Variants in ANKRD11 observed in about 807,000 individuals in gnomAD.
ANKRD11 encodes ankyrin repeat domain 11.
Under a neutral mutation model 195.7 loss-of-function variants are expected in ANKRD11, and 17 were observed. The observed-to-expected ratio is 0.09, with a 90% CI of 0.06 to 0.13. The LOEUF (loss-of-function observed/expected upper bound fraction) is 0.13. Ranked by LOEUF, ANKRD11 falls within the 10% of genes least tolerant of loss-of-function variation. The probability of loss-of-function intolerance (pLI) is 1.00; values close to 1 mark genes in which losing one functional copy is unlikely to be tolerated. For synonymous variants in ANKRD11, 1,953 were observed against 1,528.1 expected (o/e 1.28, Z -6.49); for missense variants, 3,735 against 3,566.1 (o/e 1.05, Z -1.21).
chr16:89,280,324 G>C lies in ANKRD11; in HGVS notation c.6218C>G (p.Pro2073Arg), dbSNP rs770387752. Residue 2073 changes from proline to arginine, a missense_variant, in exon 9 of 13, where the codon CCG (proline) becomes CGG (arginine). Pro to Arg is a moderately radical substitution (Grantham distance 103). Transcript: ENST00000301030. ...GGGGGCCACGTCCAGCGGGGCTTCC[G>C]GAAGTGACTTGCAGTTGCTGAAGAA... ...ESFFSNCKSL[P>R]EAPLDVAPEP... 3 of 1,585,654 alleles carry C rather than the reference G, an allele frequency of 1.9e-6. No individual in the cohort carries two copies. Among genetic ancestry groups the C allele is most frequent in the Non-Finnish European group, 2.6e-6 (3 of 1,165,624 alleles).
intron 2 of ANKRD11, among the ~76,000 whole-genome samples, chr16:89,337,770 T>C (rs1194500622): frequency 6.6e-6 from 1 of 152,138 alleles, no homozygotes; most frequent in Non-Finnish European, 1.5e-5. Flanking sequence ...ATGCAGACAA[T>C]GTGCAGGTCT....
intron 1 of ANKRD11, among the ~76,000 whole-genome samples, chr16:89,468,048 C>A (rs1170811831): frequency 6.6e-6 from 1 of 152,160 alleles, no homozygotes; most frequent in African/African-American, 2.4e-5. Context: ...AAGTGATCTG[C>A]CCACCTCGGC....
chr16:89,330,653 TGAC>T (rs1377873027), intron 2 of ANKRD11, among the ~76,000 whole-genome samples: 11 of 8,660 alleles, frequency 1.3e-3, no homozygotes, highest in Non-Finnish European at 2.0e-3. Flanking sequence ...CCCAGTACAG[TGAC>T]TGGGGGGGGG....
At chr16:89,287,441 A>G in intron 7 of ANKRD11, 1 of 228,950 alleles carries the variant, frequency 4.4e-6, no homozygotes, top group South Asian at 5.8e-5. Flanking sequence ...GGTCCTTGAC[A>G]TTTTTCGTAA....
chr16:89,427,920 G>A (rs2042788560), intron 1 of ANKRD11, among the ~76,000 whole-genome samples: 1 of 152,018 alleles, frequency 6.6e-6, no homozygotes, highest in African/African-American at 2.4e-5. Flanking sequence ...TAGTTTGAAA[G>A]GTTTAAAATT....
At chr16:89,286,678 ATTTT>A (rs2034672053) in intron 7 of ANKRD11, 2 of 1,242,534 alleles carry the variant, frequency 1.6e-6, no homozygotes, top group Admixed American at 2.8e-5. Flanking sequence ...AAGCTGCTTT[ATTTT>A]TTATTTTCAT....
At chr16:89,323,498 A>T (rs12921240) in intron 2 of ANKRD11, among the ~76,000 whole-genome samples, 744 of 18,166 alleles carry the variant, frequency 0.041, 16 homozygotes, top group African/African-American at 0.14. Context: ...GCAGGGGGGC[A>T]GAGCCCAGGG....
chr16:89,319,591 C>T (rs745636226), intron 2 of ANKRD11, among the ~76,000 whole-genome samples: 3 of 152,194 alleles, frequency 2.0e-5, no homozygotes, highest in South Asian at 2.1e-4. Context: ...CCGATGGCAG[C>T]GATGTGCTCG....
At chr16:89,330,472 G>A (rs969394264) in intron 2 of ANKRD11, among the ~76,000 whole-genome samples, 10 of 152,098 alleles carry the variant, frequency 6.6e-5, no homozygotes, top group African/African-American at 2.2e-4. Flanking sequence ...ACACGGCTGC[G>A]GATGTGTGGA....
chr16:89,377,950 C>T (rs2040492477), intron 2 of ANKRD11, among the ~76,000 whole-genome samples: 1 of 152,118 alleles, frequency 6.6e-6, no homozygotes. Flanking sequence ...GACCCACTTC[C>T]ACTTAATGAG....
At chr16:89,278,448 G>A (rs1466317848) in intron 9 of ANKRD11, 5 of 445,854 alleles carry the variant, frequency 1.1e-5, no homozygotes, top group Non-Finnish European at 2.2e-5. Flanking sequence ...AGCGCAAGGA[G>A]CTGGGGGAGT....
At chr16:89,273,357 T>A (rs1330594899) in intron 11 of ANKRD11, among the ~76,000 whole-genome samples, 1 of 152,196 alleles carries the variant, frequency 6.6e-6, no homozygotes, top group Non-Finnish European at 1.5e-5. Flanking sequence ...TGCAAACTTA[T>A]CAGCATCCAG....
chr16:89,375,589 G>A (rs2152091487), intron 2 of ANKRD11, among the ~76,000 whole-genome samples: 2 of 151,988 alleles, frequency 1.3e-5, no homozygotes, highest in Middle Eastern at 3.4e-3. Context: ...CCTCCCGAGT[G>A]ATTACAGGCG....
In ANKRD11 at chr16:89,305,232, T is replaced by C; in HGVS notation, c.200A>G (p.Asn67Ser). 1 of 1,613,604 alleles carries C rather than the reference T, an allele frequency of 6.2e-7. No individual in the cohort carries two copies. Among genetic ancestry groups the C allele is most frequent in the Non-Finnish European group, 8.5e-7 (1 of 1,179,884 alleles). ...KRKLPFTAGANGEQKDSDTEK... is the reference protein window; with the variant it reads ...KRKLPFTAGASGEQKDSDTEK... ...TGTGTCCGAGTCCTTCTGCTCCCCA[T>C]TGGCGCCCGCGGTGAAGGGCAGCTT... The change falls in exon 4 of 13, where the codon AAT becomes AGT. Residue 67 changes from asparagine to serine, a missense_variant. Transcript: ENST00000301030.
intron 1 of ANKRD11, among the ~76,000 whole-genome samples, chr16:89,480,392 G>A (rs1220561359): frequency 7.3e-5 from 11 of 150,918 alleles, no homozygotes; most frequent in Non-Finnish European, 1.5e-4. Context: ...CAGGAGAATC[G>A]CGTGAACCCA....
chr16:89,332,202 C>T (rs985735408), intron 2 of ANKRD11, among the ~76,000 whole-genome samples: 4 of 152,030 alleles, frequency 2.6e-5, no homozygotes, highest in South Asian at 2.1e-4. Flanking sequence ...GACTTCCTTA[C>T]GTATTAAAGA....
At chr16:89,427,452 G>A (rs1016366257) in intron 1 of ANKRD11, among the ~76,000 whole-genome samples, 11 of 152,158 alleles carry the variant, frequency 7.2e-5, no homozygotes, top group Non-Finnish European at 1.6e-4. Flanking sequence ...ACAACTTACA[G>A]AACTATACAA....
intron 2 of ANKRD11, among the ~76,000 whole-genome samples, chr16:89,356,776 G>A (rs1439340261): frequency 7.7e-5 from 8 of 104,318 alleles, no homozygotes; most frequent in South Asian, 2.8e-4. Flanking sequence ...GCAAGACTCC[G>A]TCTCAAAAAA....
chr16:89,336,824 T>A (rs1300820289), intron 2 of ANKRD11, among the ~76,000 whole-genome samples: 2 of 151,936 alleles, frequency 1.3e-5, no homozygotes, highest in Non-Finnish European at 2.9e-5. Flanking sequence ...GGAATGTCTT[T>A]CCATTAGAAA....
Sources: allele counts gnomAD v4.1 joint callset (sites outside exome capture counted in the v4.1 genomes callset), GRCh38; gene constraint gnomAD v4.1.1; transcripts MANE v1.5; gene names NCBI Gene and HGNC (gene_info 2026-07-23, HGNC 2026-07-21).